FMNL2: variants seen among roughly 807,000 people sequenced by gnomAD.
The protein encoded by FMNL2 is formin-like protein 2.
A neutral mutation model predicts 130.2 loss-of-function variants in FMNL2; 51 were observed. That is an observed-to-expected ratio of 0.39 (90% CI 0.31 to 0.49). FMNL2 has a LOEUF of 0.49. Ranked by LOEUF, FMNL2 falls within the 20% of genes least tolerant of loss-of-function variation. The pLI is 0.85. For synonymous variants in FMNL2, 465 were observed against 467.1 expected, an observed-to-expected ratio of 1.00 and a Z score of 0.06; for missense variants, 977 against 1,316.2, an observed-to-expected ratio of 0.74 and a Z score of 3.99.
chr2:152,599,667 G>A (rs1183329739), intron 9 of FMNL2, among the ~76,000 whole-genome samples: 1 of 152,070 alleles, frequency 6.6e-6, no homozygotes, highest in Non-Finnish European at 1.5e-5. Flanking sequence ...AGGGTGTTTA[G>A]CATTATGCGA....
At chr2:152,643,301 T>G in intron 25 of FMNL2, 1 of 1,401,682 alleles carries the variant, frequency 7.1e-7, no homozygotes, top group Non-Finnish European at 9.6e-7. Flanking sequence ...TTCCTGCCCA[T>G]CTTCCCCACC....
chr2:152,397,073 T>C (rs1685433842), intron 1 of FMNL2, among the ~76,000 whole-genome samples: 1 of 152,216 alleles, frequency 6.6e-6, no homozygotes. Flanking sequence ...ATTGTAAAAT[T>C]CGTTGATGGA....
At chr2:152,479,167 A>T (rs1016127248) in intron 1 of FMNL2, among the ~76,000 whole-genome samples, 1 of 152,038 alleles carries the variant, frequency 6.6e-6, no homozygotes, top group Non-Finnish European at 1.5e-5. Context: ...TCTGTTGCCC[A>T]GGCTCGAGTT....
At chr2:152,374,811 T>C (rs1306780937) in intron 1 of FMNL2, among the ~76,000 whole-genome samples, 2 of 152,206 alleles carry the variant, frequency 1.3e-5, no homozygotes, top group African/African-American at 2.4e-5. Flanking sequence ...TTCCCTTTGG[T>C]CCTAGAACCA....
chr2:152,428,867 G>C (rs948691344), intron 1 of FMNL2, among the ~76,000 whole-genome samples: 1 of 152,148 alleles, frequency 6.6e-6, no homozygotes, highest in African/African-American at 2.4e-5. Flanking sequence ...TCTAATGTCT[G>C]ATGCCATTTT....
chr2:152,500,093 G>A (rs1296647790), intron 1 of FMNL2, among the ~76,000 whole-genome samples: 2 of 152,182 alleles, frequency 1.3e-5, no homozygotes, highest in Non-Finnish European at 2.9e-5. Flanking sequence ...AAGCAGAACA[G>A]TGAATTAGTG....
At chr2:152,385,591 G>A (rs1382191881) in intron 1 of FMNL2, among the ~76,000 whole-genome samples, 2 of 152,206 alleles carry the variant, frequency 1.3e-5, no homozygotes, top group African/African-American at 2.4e-5. Context: ...GAATTAGGGA[G>A]CTGGGGAAAT....
Position 152,626,626 on chromosome 2 carries a change from A to G in FMNL2, c.2064A>G (p.Ser688=). ...SSKQKIPQKG[S]NKVTLLEANR... is the part of the protein sequence containing the mutation. ...AACAGAAGATACCACAGAAGGGATC[A>G]AACAAAGTGACATTACTAGAAGCAA... The change falls in exon 17 of 26, where the codon TCA becomes TCG. Residue 688 remains serine (S), a synonymous_variant. Coordinates refer to ENST00000288670, the MANE Select transcript of FMNL2 (RefSeq NM_052905.4). 6.2e-7 allele frequency: 1 copy of G among 1,613,270 alleles called. No homozygotes were observed.
Position 152,357,104 on chromosome 2 carries a change from G to A in FMNL2, c.117+21384G>A, listed in dbSNP as rs184801765. ...ACGATAAATATTACATAAGTTTAAT[G>A]TATCACGATAAATATTACATCAGTT... On this transcript the variant is annotated intron_variant, in intron 1 of 25. Coordinates refer to ENST00000288670, the MANE Select transcript of FMNL2 (RefSeq NM_052905.4). Among the ~76,000 whole-genome samples the A allele has an allele frequency of 9.1e-3, 900 of 99,062 alleles. 29 individuals carry two copies. The highest frequency in any genetic ancestry group is 0.019 in the South Asian group (62 of 3,208). The allele number at this position is 99,062 out of a possible 152,430, so 65.0% of individuals were successfully genotyped here. A position where few individuals can be genotyped will look rare whatever the true frequency, so the allele number is the denominator to read the frequency against.
chr2:152,349,536 C>T (rs924431428), intron 1 of FMNL2, among the ~76,000 whole-genome samples: 4 of 152,154 alleles, frequency 2.6e-5, no homozygotes, highest in African/African-American at 4.8e-5. Flanking sequence ...GCTTCTTGTT[C>T]GTTCTTCACA....
chr2:152,567,070 T>C (rs891883062), intron 6 of FMNL2, among the ~76,000 whole-genome samples: 2 of 152,168 alleles, frequency 1.3e-5, no homozygotes, highest in African/African-American at 4.8e-5. Context: ...TTTGTTGGTT[T>C]TTGAAAAGAG....
intron 20 of FMNL2, among the ~76,000 whole-genome samples, chr2:152,631,584 G>A (rs1682173025): frequency 6.6e-6 from 1 of 152,020 alleles, no homozygotes; most frequent in African/African-American, 2.4e-5. Flanking sequence ...AATGGCACGT[G>A]CGAGGTTTTA....
intron 3 of FMNL2, among the ~76,000 whole-genome samples, chr2:152,546,239 G>A (rs1694624051): frequency 6.6e-6 from 1 of 152,164 alleles, no homozygotes; most frequent in Non-Finnish European, 1.5e-5. Flanking sequence ...GGTAATTTAT[G>A]AGGAAAACAG....
chr2:152,632,656 CCATT>C (rs1449899529), intron 21 of FMNL2, among the ~76,000 whole-genome samples: 5 of 152,084 alleles, frequency 3.3e-5, no homozygotes, highest in Admixed American at 2.0e-4. Flanking sequence ...AATAGTATCT[CCATT>C]ATTATAGGTG....
At chr2:152,580,596 T>C (rs1696727381) in intron 8 of FMNL2, among the ~76,000 whole-genome samples, 1 of 152,232 alleles carries the variant, frequency 6.6e-6, no homozygotes, top group South Asian at 2.1e-4. Context: ...ATCAATAGTT[T>C]GTTTTTCAGC....
At chr2:152,418,506 C>G (rs1014034094) in intron 1 of FMNL2, among the ~76,000 whole-genome samples, 1 of 152,100 alleles carries the variant, frequency 6.6e-6, no homozygotes, top group Non-Finnish European at 1.5e-5. Flanking sequence ...TTCTCAGTCC[C>G]CATGAATATG....
chr2:152,644,366 A>G (rs747581203), intron 25 of FMNL2, among the ~76,000 whole-genome samples: 8 of 152,308 alleles, frequency 5.3e-5, no homozygotes, highest in African/African-American at 1.9e-4. Context: ...GAAGTGCTCT[A>G]AAGTGCAAAA....
chr2:152,626,788 G>T (rs1394803731), intron 17 of FMNL2, 61 bp downstream of exon 17: 5 of 1,470,504 alleles, frequency 3.4e-6, no homozygotes, highest in Admixed American at 2.3e-5. Flanking sequence ...AGAAAGTTAT[G>T]AATTAGTAGA....
chr2:152,357,650 C>T (rs35589946), intron 1 of FMNL2, among the ~76,000 whole-genome samples: 10,435 of 146,280 alleles, frequency 0.071, 445 homozygotes, highest in African/African-American at 0.091. Context: ...TAATGTATAA[C>T]GATAAATATT....
Sources: gnomAD v4.1 joint callset for allele counts (sites outside exome capture counted in the v4.1 genomes callset) on GRCh38, gnomAD v4.1.1 for gene constraint, MANE v1.5 for transcripts, NCBI Gene and HGNC (gene_info 2026-07-23, HGNC 2026-07-21) for gene names.